The following ABCC5 variants were observed in gnomAD, a reference collection of about 807,000 sequenced individuals.
ABCC5 encodes ATP binding cassette subfamily C member 5.
In ABCC5, 61 loss-of-function variants were observed where a neutral mutation model predicts 160.9. That is an observed-to-expected ratio of 0.38 (90% CI 0.31 to 0.47). ABCC5 has a LOEUF of 0.47. Among genes scored for constraint, ABCC5 ranks in the 20% least tolerant of loss-of-function variants. The probability of loss-of-function intolerance (pLI) is 0.99; values close to 1 mark genes in which losing one functional copy is unlikely to be tolerated. For missense variants in ABCC5, 1,308 were observed against 1,813.3 expected, an observed-to-expected ratio of 0.72 and a Z score of 5.06; for synonymous variants, 666 against 700.6, an observed-to-expected ratio of 0.95 and a Z score of 0.78.
intron 10 of ABCC5, 144 bp downstream of exon 10, chr3:183,977,373 C>T (rs376475158): frequency 7.2e-6 from 4 of 554,340 alleles, no homozygotes; most frequent in African/African-American, 3.8e-5. Flanking sequence ...TCCTCCACTG[C>T]CCCCTTTTTC....
chr3:184,010,052 A>C (rs1436992416), intron 2 of ABCC5: 5 of 363,288 alleles, frequency 1.4e-5, no homozygotes, highest in Non-Finnish European at 2.7e-5. Flanking sequence ...GACGCCTGTA[A>C]TCCCAGTACT....
intron 25 of ABCC5, among the ~76,000 whole-genome samples, chr3:183,942,240 T>C (rs1371630754): frequency 2.0e-5 from 3 of 152,054 alleles, no homozygotes; most frequent in Non-Finnish European, 4.4e-5. Flanking sequence ...GGTTTCACCA[T>C]GTTGTTCTGG....
chr3:183,995,599 G>A (rs1224986081), intron 2 of ABCC5, among the ~76,000 whole-genome samples: 1 of 152,164 alleles, frequency 6.6e-6, no homozygotes, highest in African/African-American at 2.4e-5. Flanking sequence ...CCATGCCTGT[G>A]TGAGTCTATT....
intron 2 of ABCC5, among the ~76,000 whole-genome samples, chr3:183,992,092 G>A (rs1351911982): frequency 6.6e-6 from 1 of 152,192 alleles, no homozygotes; most frequent in Non-Finnish European, 1.5e-5. Flanking sequence ...CAAATCTCAA[G>A]ACTGACATCA....
At chr3:183,946,691 C>T (rs774097651) in intron 23 of ABCC5, among the ~76,000 whole-genome samples, 122 of 151,996 alleles carry the variant, frequency 8.0e-4, no homozygotes, top group Middle Eastern at 3.2e-3. Context: ...GGAAGCAAAT[C>T]GCAGAGAGCT....
rs1717109540 is a variant in ABCC5 at position 183,965,263 on chromosome 3, G to A, written c.1959-6C>T. Reference sequence around the variant, plus strand: ...TGTTCAGCACAGAGTTGTATCTGGAGGACACAAAGAGACAGCGTCAGGGAC... The same window carrying A: ...TGTTCAGCACAGAGTTGTATCTGGAAGACACAAAGAGACAGCGTCAGGGAC... On this transcript the variant is annotated splice_polypyrimidine_tract_variant and splice_region_variant and intron_variant, in intron 13 of 29. Coordinates refer to ENST00000334444, the MANE Select transcript of ABCC5 (RefSeq NM_005688.4). The A allele has an allele frequency of 1.9e-6, 3 of 1,614,204 alleles. No homozygotes were observed. Among genetic ancestry groups the A allele is most frequent in the South Asian group, 2.2e-5 (2 of 91,088 alleles).
intron 28 of ABCC5, among the ~76,000 whole-genome samples, chr3:183,926,420 C>T (rs1268779016): frequency 6.6e-6 from 1 of 151,400 alleles, no homozygotes; most frequent in Non-Finnish European, 1.5e-5. Context: ...CGTGGTGACG[C>T]GCACCTGTAG....
chr3:183,950,336 G>C (rs1453808353), intron 20 of ABCC5, among the ~76,000 whole-genome samples: 3 of 149,920 alleles, frequency 2.0e-5, no homozygotes, highest in Non-Finnish European at 4.4e-5. Flanking sequence ...CCCTTTTCTT[G>C]GTTCCCTTCC....
Position 183,982,423 on chromosome 3 carries a change from C to T in ABCC5, c.999+28G>A, listed in dbSNP as rs2293001. On this transcript the variant is annotated intron_variant, in intron 7 of 29. Transcript: ENST00000334444. This position sits in a 1 kb window ranked among gnomAD's most constrained non-coding sequence, Gnocchi z 5.2. ...TAACTCATCTCCTAAGGAGAAGCTG[C>T]CAGGATTCAGCTGGGAGGCTTACTC... The T allele has an allele frequency of 0.38, 604,134 of 1,603,764 alleles. 116,039 individuals carry two copies. Among genetic ancestry groups the T allele is most frequent in the African/African-American group, 0.55 (40,790 of 74,566 alleles).
chr3:183,925,657 C>A lies in ABCC5; in HGVS notation c.4110G>T (p.Glu1370Asp). The change falls in exon 29 of 30, where the codon GAG becomes GAT. Residue 1370 changes from glutamate to aspartate, a missense_variant. Transcript: ENST00000334444. ...AGTCTGCAAATGCTTCTCGGATGGT[C>A]TCTTGAATCAATAAGTCTGTCTCTG... ...MDTETDLLIQ[E>D]TIREAFADCT... The A allele has an allele frequency of 6.2e-7, 1 of 1,614,006 alleles. No homozygotes were observed. The highest frequency in any genetic ancestry group is 8.5e-7 in the Non-Finnish European group (1 of 1,179,996).
At position 183,949,540 on chromosome 3, in the gene ABCC5, G is replaced by A. The variant is rs1378324162; in HGVS notation, c.3227+213C>T. On this transcript the variant is annotated intron_variant, in intron 22 of 29. Coordinates refer to ENST00000334444, the MANE Select transcript of ABCC5 (RefSeq NM_005688.4). The surrounding 1 kb of genome is among the most constrained non-coding windows in gnomAD (Gnocchi z 4.2). ...ACTATAGGCACGTGATGCCGCATGC[G>A]GCCCAAATCTGTATTTCTGTTTTCT... 4.6e-5 allele frequency among the ~76,000 whole-genome samples: 7 copies of A among 152,244 alleles called. No homozygotes were observed. Among genetic ancestry groups the A allele is most frequent in the South Asian group, 2.1e-4 (1 of 4,834 alleles).
At chr3:183,991,216 C>T (rs1229292589) in intron 2 of ABCC5, among the ~76,000 whole-genome samples, 1 of 151,716 alleles carries the variant, frequency 6.6e-6, no homozygotes, top group Non-Finnish European at 1.5e-5. Flanking sequence ...AGGATGACTT[C>T]AGCCCAGGAG....
At position 183,953,133 on chromosome 3, in the gene ABCC5, C is replaced by T. The variant is rs774628606; in HGVS notation, c.2620G>A (p.Ala874Thr). The T allele has an allele frequency of 9.3e-6, 15 of 1,613,950 alleles. No individual in the cohort carries two copies. The highest frequency in any genetic ancestry group is 4.5e-5 in the East Asian group (2 of 44,868). Residue 874 changes from alanine to threonine, a missense_variant, in exon 18 of 30, where the codon GCC becomes ACC. Transcript: ENST00000334444. ...TAACTCAACCACCAGGTGCTGAAGG[C>T]GGTGCTGCCTACATTCAGCATGAAA... The part of the protein sequence containing the change: ...ALFMLNVGST[A>T]FSTWWLSYWI...
intron 10 of ABCC5, among the ~76,000 whole-genome samples, chr3:183,973,452 T>C (rs951270828): frequency 2.0e-5 from 3 of 152,136 alleles, no homozygotes; most frequent in Non-Finnish European, 4.4e-5. Flanking sequence ...TTTTAAACAT[T>C]ACAAAATCTT....
intron 26 of ABCC5, among the ~76,000 whole-genome samples, chr3:183,931,940 T>A (rs968372500): frequency 1.3e-5 from 2 of 152,240 alleles, no homozygotes; most frequent in African/African-American, 4.8e-5. Flanking sequence ...TGAGGGCAAT[T>A]ATTTTTAACA....
intron 27 of ABCC5, 70 bp from the exon 28 acceptor site, chr3:183,927,513 G>A (rs1250334153): frequency 2.0e-6 from 3 of 1,536,022 alleles, no homozygotes; most frequent in South Asian, 1.2e-5. Flanking sequence ...TCCAAGGACA[G>A]AAAGAAATGA....
At chr3:183,938,143 A>G in intron 25 of ABCC5, 83 bp from the exon 26 acceptor site, 3 of 1,358,478 alleles carry the variant, frequency 2.2e-6, no homozygotes, top group Non-Finnish European at 3.1e-6. Flanking sequence ...GGGCAATGCC[A>G]ACTATTTTTC....
intron 26 of ABCC5, among the ~76,000 whole-genome samples, chr3:183,934,215 CA>C (rs1313043328): frequency 6.6e-6 from 1 of 152,084 alleles, no homozygotes; most frequent in African/African-American, 2.4e-5. Context: ...CTGAGGCACG[CA>C]AATCACTTGA....
intron 15 of ABCC5, among the ~76,000 whole-genome samples, chr3:183,962,958 C>T (rs924979133): frequency 6.6e-6 from 1 of 152,174 alleles, no homozygotes; most frequent in African/African-American, 2.4e-5. Context: ...GCCCCCTAAA[C>T]GTGACAACAT....
Sources: allele counts gnomAD v4.1 joint callset (sites outside exome capture counted in the v4.1 genomes callset), GRCh38; gene constraint gnomAD v4.1.1; non-coding constraint Gnocchi (gnomAD v3.1); transcripts MANE v1.5; gene names NCBI Gene and HGNC (gene_info 2026-07-23, HGNC 2026-07-21).